The following SEMA3E variants were observed in gnomAD, a reference collection of about 807,000 sequenced individuals.
SEMA3E encodes the protein semaphorin-3E.
A neutral mutation model predicts 93.6 loss-of-function variants in SEMA3E; 49 were observed. That is an observed-to-expected ratio of 0.52 (90% CI 0.42 to 0.66). SEMA3E has a LOEUF of 0.66. SEMA3E is among the 30% of genes least tolerant of loss of function. SEMA3E has a pLI of 0.00. For synonymous variants in SEMA3E, 363 were observed against 330.7 expected, an observed-to-expected ratio of 1.10 and a Z score of -1.06; for missense variants, 906 against 964.8, an observed-to-expected ratio of 0.94 and a Z score of 0.81.
At chr7:83,594,576 G>T (rs1792828034) in intron 1 of SEMA3E, among the ~76,000 whole-genome samples, 2 of 151,870 alleles carry the variant, frequency 1.3e-5, no homozygotes, top group South Asian at 2.1e-4. Flanking sequence ...TTTCTGGAAG[G>T]GTATGAATTT....
chr7:83,557,388 CTAAT>C (rs921990785), intron 1 of SEMA3E, among the ~76,000 whole-genome samples: 22 of 151,494 alleles, frequency 1.5e-4, no homozygotes, highest in South Asian at 2.1e-4. Flanking sequence ...ATAATTCAAA[CTAAT>C]TAACAAAGCA....
At chr7:83,517,157 A>G (rs1790945573) in intron 1 of SEMA3E, among the ~76,000 whole-genome samples, 1 of 152,120 alleles carries the variant, frequency 6.6e-6, no homozygotes. Flanking sequence ...GAGCATCTGC[A>G]TTAACAGGAA....
At chr7:83,454,554 C>A (rs1215916538) in intron 4 of SEMA3E, among the ~76,000 whole-genome samples, 1 of 151,744 alleles carries the variant, frequency 6.6e-6, no homozygotes, top group Non-Finnish European at 1.5e-5. Context: ...ACTTTTTGAA[C>A]CTCAAAAACT....
intron 1 of SEMA3E, among the ~76,000 whole-genome samples, chr7:83,608,297 T>C (rs751740450): frequency 2.0e-5 from 3 of 152,082 alleles, no homozygotes; most frequent in Non-Finnish European, 4.4e-5. Context: ...AGAGAATAGA[T>C]AAGAGATTAT....
At chr7:83,461,042 G>C (rs183616085) in intron 4 of SEMA3E, among the ~76,000 whole-genome samples, 191 of 152,062 alleles carry the variant, frequency 1.3e-3, no homozygotes, top group African/African-American at 4.3e-3. Flanking sequence ...CTGCCATGCC[G>C]CTTGACCCCA....
Position 83,596,372 on chromosome 7 carries a change from C to T in SEMA3E, c.115+52056G>A, listed in dbSNP as rs77762109. 9.5e-3 allele frequency among the ~76,000 whole-genome samples: 1,444 copies of T among 152,054 alleles called. 24 individuals carry two copies. Among genetic ancestry groups the T allele is most frequent in the African/African-American group, 0.032 (1,340 of 41,488 alleles). ...TCCAAGGAACCCTGGCTTCTTTTAACGGAGAACGATATCCACTGGATATGC... is the reference window on the plus strand; with the variant it reads ...TCCAAGGAACCCTGGCTTCTTTTAATGGAGAACGATATCCACTGGATATGC... On this transcript the variant is annotated intron_variant, in intron 1 of 16. Transcript: ENST00000643230.
chr7:83,500,088 C>T (rs1045447860), intron 1 of SEMA3E, among the ~76,000 whole-genome samples: 5 of 152,112 alleles, frequency 3.3e-5, no homozygotes, highest in African/African-American at 1.2e-4. Context: ...GTTAAGGAAG[C>T]CAAGAATATA....
At position 83,642,293 on chromosome 7, in the gene SEMA3E, T is replaced by A. The variant is rs1295792056; in HGVS notation, c.115+6135A>T. ...TACCAAGGCAAAGGAGCCCTATGGT[T>A]AGAATATCCTGAAATAGGTGTTAGA... On this transcript the variant is annotated intron_variant, in intron 1 of 16. Transcript: ENST00000643230. 3.3e-5 allele frequency among the ~76,000 whole-genome samples: 5 copies of A among 152,262 alleles called. No homozygotes were observed. The South Asian group carries it at 1.0e-3, about 32-fold the overall frequency.
At chr7:83,549,884 T>C (rs1226778674) in intron 1 of SEMA3E, among the ~76,000 whole-genome samples, 2 of 152,096 alleles carry the variant, frequency 1.3e-5, no homozygotes, top group East Asian at 3.8e-4. Context: ...AGCTCAGCAA[T>C]GAATGGCAAA....
intron 1 of SEMA3E, among the ~76,000 whole-genome samples, chr7:83,526,494 C>T (rs1791162539): frequency 6.6e-6 from 1 of 151,964 alleles, no homozygotes; most frequent in Middle Eastern, 3.2e-3. Flanking sequence ...ACTTTTTAAC[C>T]AAAGTTTTGA....
intron 2 of SEMA3E, among the ~76,000 whole-genome samples, chr7:83,476,080 A>C (rs1790002505): frequency 6.6e-6 from 1 of 152,182 alleles, no homozygotes; most frequent in Non-Finnish European, 1.5e-5. Flanking sequence ...TACAGAGGGC[A>C]AGGCAGTGAC....
intron 1 of SEMA3E, among the ~76,000 whole-genome samples, chr7:83,503,681 T>C (rs1488733834): frequency 6.6e-6 from 1 of 152,220 alleles, no homozygotes; most frequent in East Asian, 1.9e-4. Flanking sequence ...TTCAGCATGT[T>C]ACTGTGATGA....
At chr7:83,485,346 G>C (rs980489605) in intron 2 of SEMA3E, among the ~76,000 whole-genome samples, 1 of 152,044 alleles carries the variant, frequency 6.6e-6, no homozygotes, top group Non-Finnish European at 1.5e-5. Context: ...CTTCAAAGAG[G>C]AATAATATTT....
At chr7:83,490,308 C>T (rs534873175) in intron 1 of SEMA3E, 34 bp from the exon 2 acceptor site, 24 of 1,602,346 alleles carry the variant, frequency 1.5e-5, no homozygotes, top group Admixed American at 1.0e-4. Flanking sequence ...ACTAAGCACA[C>T]GAGAAAATGT....
At chr7:83,497,228 T>G (rs1446687944) in intron 1 of SEMA3E, among the ~76,000 whole-genome samples, 3 of 152,138 alleles carry the variant, frequency 2.0e-5, no homozygotes, top group Non-Finnish European at 4.4e-5. Context: ...CTCTACACTT[T>G]GTCAAAATAT....
intron 5 of SEMA3E, among the ~76,000 whole-genome samples, chr7:83,412,859 C>T (rs1359057623): frequency 6.6e-6 from 1 of 151,150 alleles, no homozygotes; most frequent in Non-Finnish European, 1.5e-5. Flanking sequence ...TGGGAATTTA[C>T]GTGGATAACA....
chr7:83,475,963 G>C (rs1229594806), intron 2 of SEMA3E, among the ~76,000 whole-genome samples: 3 of 151,948 alleles, frequency 2.0e-5, no homozygotes, highest in Non-Finnish European at 4.4e-5. Context: ...TTTTTTCAAC[G>C]GACAGTATTT....
At chr7:83,427,435 A>G (rs887008148) in intron 4 of SEMA3E, among the ~76,000 whole-genome samples, 25 of 152,154 alleles carry the variant, frequency 1.6e-4, no homozygotes, top group Admixed American at 1.6e-3. Flanking sequence ...CTCATGTCTC[A>G]GTACAATATT....
At chr7:83,431,004 A>G (rs1181692045) in intron 4 of SEMA3E, among the ~76,000 whole-genome samples, 1 of 152,024 alleles carries the variant, frequency 6.6e-6, no homozygotes. Flanking sequence ...GTGGCCACAT[A>G]GTCATTGCAT....
Sources: allele counts gnomAD v4.1 joint callset (sites outside exome capture counted in the v4.1 genomes callset), GRCh38; gene constraint gnomAD v4.1.1; transcripts MANE v1.5; gene names NCBI Gene and HGNC (gene_info 2026-07-23, HGNC 2026-07-21).